The following ESYT2 variants were observed in gnomAD, a reference collection of about 807,000 sequenced individuals.
The protein encoded by ESYT2 is extended synaptotagmin 2.
Under a neutral mutation model 107.2 loss-of-function variants are expected in ESYT2, and 54 were observed. The observed-to-expected ratio is 0.50, with a 90% CI of 0.40 to 0.63. The LOEUF (loss-of-function observed/expected upper bound fraction) is 0.63, where lower values mean the gene tolerates loss of function less well. ESYT2 is among the 30% of genes least tolerant of loss of function. The pLI, the probability that ESYT2 is intolerant of heterozygous loss-of-function variation, is 0.00. For missense variants in ESYT2, 1,020 were observed against 1,094.5 expected (o/e 0.93, Z 0.96); for synonymous variants, 491 against 434.1 (o/e 1.13, Z -1.63).
At chr7:158,824,292 T>C (rs1840373941) in intron 1 of ESYT2, among the ~76,000 whole-genome samples, 1 of 152,222 alleles carries the variant, frequency 6.6e-6, no homozygotes, top group South Asian at 2.1e-4. Context: ...ACCACTCGGA[T>C]TCAGGTGCTG....
chr7:158,806,292 A>C (rs73730001), intron 1 of ESYT2, among the ~76,000 whole-genome samples: 17,249 of 152,220 alleles, frequency 0.11, 1,479 homozygotes, highest in East Asian at 0.43. Flanking sequence ...TCAAAGAAAA[A>C]CTTAAAAACT....
At chr7:158,768,320 C>T (rs1333626362) in intron 7 of ESYT2, among the ~76,000 whole-genome samples, 1 of 152,174 alleles carries the variant, frequency 6.6e-6, no homozygotes, top group Non-Finnish European at 1.5e-5. Flanking sequence ...ATCCATTATC[C>T]AACACTTTGA....
chr7:158,824,103 C>T (rs914319624), intron 1 of ESYT2, among the ~76,000 whole-genome samples: 4 of 152,116 alleles, frequency 2.6e-5, no homozygotes, highest in Non-Finnish European at 5.9e-5. Flanking sequence ...TTTTAGCCAT[C>T]TTGGGGCATT....
In ESYT2 at chr7:158,757,586, G is replaced by A. The variant is rs150395021; in HGVS notation, c.1419+1900C>T. Among the ~76,000 whole-genome samples the A allele has an allele frequency of 8.0e-4, 122 of 152,056 alleles. No individual in the cohort carries two copies. In the East Asian group the frequency reaches 0.017, roughly 21 times the overall value. On this transcript the variant is annotated intron_variant, in intron 13 of 22. Coordinates refer to ENST00000275418, the MANE Select transcript of ESYT2 (RefSeq NM_001367773.1). ...CCAGCGCCAAAGGATCCCAGAGCTC[G>A]CGGGACGCCCCTTAATCCAGAGCCA...
At chr7:158,788,194 T>C in intron 5 of ESYT2, 101 bp from the exon 6 acceptor site, 1 of 1,192,142 alleles carries the variant, frequency 8.4e-7, no homozygotes, top group South Asian at 1.3e-5. Context: ...TTTGAGCATG[T>C]GACTTCTTAT....
Position 158,798,642 on chromosome 7 carries a change from G to A in ESYT2, c.372+389C>T, listed in dbSNP as rs146469247. On this transcript the variant is annotated intron_variant, in intron 2 of 22. Transcript: ENST00000275418. ...GCCTGGGCAACAAGAGTGAAGCTCC[G>A]TCTCAAAAAAAAAAAAAAAAAAAAA... Among the ~76,000 whole-genome samples, 528 of 56,318 alleles carry A rather than the reference G, an allele frequency of 9.4e-3. 13 individuals carry two copies. The highest frequency in any genetic ancestry group is 0.04 in the African/African-American group (468 of 11,602). 36.9% of individuals were successfully genotyped at this position (56,318 alleles called of 152,430 possible). A position where few individuals can be genotyped will look rare whatever the true frequency, so the allele number is the denominator to read the frequency against.
At position 158,733,403 on chromosome 7, in the gene ESYT2, G is replaced by C. The variant is rs1001979852; in HGVS notation, c.*804C>G. The C allele has an allele frequency of 2.0e-5, 3 of 152,102 alleles. No homozygotes were observed. Among genetic ancestry groups the C allele is most frequent in the African/African-American group, 7.2e-5 (3 of 41,410 alleles). 9.4% of individuals were successfully genotyped at this position (152,102 alleles called of 1,614,324 possible). The stretch of plus-strand genomic sequence containing the variant: ...TCTTACAGTTGAGGAAAAGTACAAG[G>C]TGTCTGTATACTGTTTCATGAGTAA... On this transcript the variant is annotated 3_prime_UTR_variant, in exon 23 of 23. Transcript: ENST00000275418.
At chr7:158,775,656 TTC>T (rs1343890958) in intron 6 of ESYT2, among the ~76,000 whole-genome samples, 1 of 152,174 alleles carries the variant, frequency 6.6e-6, no homozygotes, top group African/African-American at 2.4e-5. Context: ...CTAACTACGG[TTC>T]TCTCACTATT....
chr7:158,763,684 T>A (rs1427544654), intron 9 of ESYT2, among the ~76,000 whole-genome samples: 1 of 152,088 alleles, frequency 6.6e-6, no homozygotes, highest in Non-Finnish European at 1.5e-5. Context: ...TGCCACACAG[T>A]AACAGTCTAC....
At chr7:158,791,583 T>A (rs1252338265) in intron 4 of ESYT2, among the ~76,000 whole-genome samples, 1 of 152,230 alleles carries the variant, frequency 6.6e-6, no homozygotes, top group Non-Finnish European at 1.5e-5. Context: ...ACACCTGTTA[T>A]TTTCTGGGTT....
chr7:158,829,054 G>C (rs757205363), intron 1 of ESYT2, 35 bp downstream of exon 1: 1 of 1,568,598 alleles, frequency 6.4e-7, no homozygotes, highest in Non-Finnish European at 8.6e-7. Flanking sequence ...GGGACTGGTG[G>C]TCAGGGGTCG....
intron 6 of ESYT2, among the ~76,000 whole-genome samples, chr7:158,781,364 G>A (rs989694796): frequency 2.0e-5 from 3 of 151,840 alleles, no homozygotes; most frequent in Non-Finnish European, 2.9e-5. Flanking sequence ...GTAAGAACGA[G>A]AACAAGTGTG....
chr7:158,734,075 T>G lies in ESYT2; in HGVS notation c.*132A>C. On this transcript the variant is annotated 3_prime_UTR_variant, in exon 23 of 23. Transcript: ENST00000275418. ...AAATTTGCCTGAAATGTCAACAATT[T>G]TATAAAACTATTAAGGTATGTATAA... The G allele has an allele frequency of 8.9e-7, 1 of 1,126,208 alleles. No homozygotes were observed. The highest frequency in any genetic ancestry group is 1.6e-5 in the South Asian group (1 of 62,678). The allele number at this position is 1,126,208 out of a possible 1,614,324, so 69.8% of individuals were successfully genotyped here.
At chr7:158,797,829 G>C (rs1055754325) in intron 3 of ESYT2, 113 bp downstream of exon 3, 1 of 1,394,020 alleles carries the variant, frequency 7.2e-7, no homozygotes, top group Admixed American at 2.4e-5. Context: ...ACTCCAGCCT[G>C]GGCAACAGAG....
At position 158,760,823 on chromosome 7, in the gene ESYT2, G is replaced by A. The variant is rs75023537; in HGVS notation, c.1233+673C>T. ...AAATGCTAAATGATAGAAGCCATGG[G>A]CAGGACTGTCCATCCAGTGCCTGGC... On this transcript the variant is annotated intron_variant, in intron 11 of 22. Coordinates refer to ENST00000275418, the MANE Select transcript of ESYT2 (RefSeq NM_001367773.1). Among the ~76,000 whole-genome samples the A allele has an allele frequency of 1.3e-3, 196 of 152,272 alleles. No individual in the cohort carries two copies. The East Asian group carries it at 0.03, about 23-fold the overall frequency.
intron 20 of ESYT2, among the ~76,000 whole-genome samples, chr7:158,736,523 A>C (rs1339423652): frequency 6.6e-6 from 1 of 152,170 alleles, no homozygotes; most frequent in Non-Finnish European, 1.5e-5. Flanking sequence ...AATCACCCTG[A>C]CCACAGAAGC....
intron 6 of ESYT2, among the ~76,000 whole-genome samples, chr7:158,782,544 T>TGA (rs1311126408): frequency 4.4e-4 from 23 of 51,956 alleles, no homozygotes; most frequent in Non-Finnish European, 5.3e-4. Context: ...AGAAAATGAG[T>TGA]GTGAGAAGCA....
At chr7:158,737,468 G>A (rs1837006908) in intron 19 of ESYT2, among the ~76,000 whole-genome samples, 1 of 152,030 alleles carries the variant, frequency 6.6e-6, no homozygotes, top group Non-Finnish European at 1.5e-5. Flanking sequence ...CAGAGTGACG[G>A]TTGTCTTTCC....
chr7:158,764,620 C>T, intron 9 of ESYT2, 57 bp downstream of exon 9: 1 of 1,559,910 alleles, frequency 6.4e-7, no homozygotes, highest in Admixed American at 1.8e-5. Context: ...AGAGCTTGGC[C>T]ATCCCGCTCA....
Sources: allele counts gnomAD v4.1 joint callset (sites outside exome capture counted in the v4.1 genomes callset), GRCh38; gene constraint gnomAD v4.1.1; transcripts MANE v1.5; gene names NCBI Gene and HGNC (gene_info 2026-07-23, HGNC 2026-07-21).